ZGRF1: variants seen among roughly 807,000 people sequenced by gnomAD.
ZGRF1 encodes zinc finger GRF-type containing 1.
ZGRF1 carries 196 observed loss-of-function variants against 203.5 expected under a neutral mutation model. The ratio of observed to expected loss-of-function variants is 0.96; its 90% confidence interval spans 0.86 to 1.08. The LOEUF (loss-of-function observed/expected upper bound fraction) is 1.08. ZGRF1 is among the 50% of genes least tolerant of loss of function. The pLI is 0.00. For missense variants in ZGRF1, 2,326 were observed against 2,416.3 expected (o/e 0.96, Z 0.78); for synonymous variants, 809 against 841.3 (o/e 0.96, Z 0.66).
At chr4:112,593,700 TCTTTG>T (rs1444561428) in intron 10 of ZGRF1, among the ~76,000 whole-genome samples, 1 of 152,220 alleles carries the variant, frequency 6.6e-6, no homozygotes. Flanking sequence ...ACATGCTGTT[TCTTTG>T]CATGGTATGT....
chr4:112,540,823 T>G lies in ZGRF1; in HGVS notation c.5908A>C (p.Lys1970Gln). 6.3e-7 allele frequency: 1 copy of G among 1,590,508 alleles called. No individual in the cohort carries two copies. The highest frequency in any genetic ancestry group is 8.6e-7 in the Non-Finnish European group (1 of 1,166,784). ...VITLYKSQMY[K>Q]LCHLLSAVDF... The stretch of plus-strand genomic sequence containing the variant: ...ATACTGTAATACATAATACCAACCT[T>G]GTACATCTGGGATTTGTATAATGTT... The change falls in exon 26 of 28, where the codon AAG becomes CAG. Residue 1970 changes from lysine (K) to glutamine (Q), a missense_variant and splice_region_variant. Physicochemically the swap from Lys to Gln is moderately conservative, Grantham distance 53. Transcript: ENST00000505019.
At chr4:112,635,341 T>C (rs886453788) in intron 1 of ZGRF1, among the ~76,000 whole-genome samples, 2 of 152,034 alleles carry the variant, frequency 1.3e-5, no homozygotes, top group African/African-American at 2.4e-5. Context: ...ATCTGTTTAA[T>C]AGCTACCATT....
rs1560845679 is a variant in ZGRF1 at position 112,606,089 on chromosome 4, G to C, written c.2721C>G (p.Phe907Leu). The C allele has an allele frequency of 6.4e-7, 1 of 1,563,772 alleles. No homozygotes were observed. Among genetic ancestry groups the C allele is most frequent in the Non-Finnish European group, 8.7e-7 (1 of 1,144,564 alleles). Residue 907 changes from phenylalanine (F) to leucine (L), a missense_variant and splice_region_variant, in exon 9 of 28, where the codon TTC becomes TTG. Transcript: ENST00000505019. ...TCTCTTCTTTACTTCCCGAGGAAGA[G>C]AACTAGGATAAAATATGAATAAGTT... ...ELSEPLQSVQ[F>L]SSSGSKEETA...
intron 6 of ZGRF1, among the ~76,000 whole-genome samples, chr4:112,616,416 T>C (rs1230358186): frequency 6.7e-6 from 1 of 149,092 alleles, no homozygotes; most frequent in African/African-American, 2.5e-5. Context: ...TTCCAGCTAC[T>C]GGGGAGGCTG....
chr4:112,548,225 C>T, intron 23 of ZGRF1, 28 bp downstream of exon 23: 2 of 1,550,378 alleles, frequency 1.3e-6, no homozygotes, highest in Non-Finnish European at 1.7e-6. Context: ...ACAGGTATTA[C>T]CCCTGGGGAA....
At position 112,633,146 on chromosome 4, in the gene ZGRF1, TAA is replaced by T. The variant is rs760411213; in HGVS notation, c.21+8_21+9del. ...AATTTCACCAAACTGTGAAAAATGG[TAA>T]AACTTACAATAAATTCTTGGCTTTC... On this transcript the variant is annotated splice_region_variant and intron_variant, in intron 2 of 27. Transcript: ENST00000505019. 1 of 1,608,500 alleles carries T rather than the reference TAA, an allele frequency of 6.2e-7. No individual in the cohort carries two copies. Among genetic ancestry groups the T allele is most frequent in the East Asian group, 2.2e-5 (1 of 44,716 alleles).
At chr4:112,605,055 T>C (rs1019912721) in intron 9 of ZGRF1, among the ~76,000 whole-genome samples, 6 of 152,180 alleles carry the variant, frequency 3.9e-5, no homozygotes, top group Non-Finnish European at 8.8e-5. Flanking sequence ...AAAATAAACA[T>C]TGCAATAAAA....
intron 16 of ZGRF1, among the ~76,000 whole-genome samples, chr4:112,571,560 T>C (rs939484415): frequency 6.6e-6 from 1 of 152,180 alleles, no homozygotes; most frequent in Non-Finnish European, 1.5e-5. Context: ...TTAATTTTTT[T>C]TTTTTCTGAG....
Position 112,619,018 on chromosome 4 carries a change from T to G in ZGRF1, c.1024A>C (p.Thr342Pro), listed in dbSNP as rs138975728. 6.2e-7 allele frequency: 1 copy of G among 1,613,926 alleles called. No homozygotes were observed. Among genetic ancestry groups the G allele is most frequent in the South Asian group, 1.1e-5 (1 of 91,078 alleles). ...CTTTCTGTATCATTCCCATCTACAG[T>G]AGAAGAATGTATAGGTGAACTCTGT... is the stretch of plus-strand genomic sequence containing the variant. ...SSQSSPIHSSTVDGNDTERKP... is the reference protein window; with the variant it reads ...SSQSSPIHSSPVDGNDTERKP... The change falls in exon 6 of 28, where the codon ACT becomes CCT. Residue 342 changes from threonine to proline, a missense_variant. Thr to Pro is a conservative substitution (Grantham distance 38). Transcript: ENST00000505019.
At chr4:112,543,029 C>G (rs961198860) in intron 24 of ZGRF1, among the ~76,000 whole-genome samples, 2 of 152,100 alleles carry the variant, frequency 1.3e-5, no homozygotes, top group African/African-American at 4.8e-5. Flanking sequence ...TCCACACTTT[C>G]TATAATGAGT....
chr4:112,545,223 A>G (rs1738514076), intron 24 of ZGRF1, among the ~76,000 whole-genome samples: 2 of 152,000 alleles, frequency 1.3e-5, no homozygotes, highest in Non-Finnish European at 2.9e-5. Flanking sequence ...GGAAAAAAAA[A>G]TTGTAAATCA....
rs958617520 is a variant in ZGRF1 at position 112,622,334 on chromosome 4, C to T, written c.162+1483G>A. ...AGGAGTTCAAGACCAGCCTGGCCAA[C>T]ATGGTGAAACCCCATCTCTACTAAA... On this transcript the variant is annotated intron_variant, in intron 4 of 27. Transcript: ENST00000505019. Among the ~76,000 whole-genome samples, 4 of 151,646 alleles carry T rather than the reference C, an allele frequency of 2.6e-5. No individual in the cohort carries two copies. The East Asian group carries it at 7.9e-4, about 30-fold the overall frequency.
chr4:112,605,931 G>GTT (rs1164666135), intron 9 of ZGRF1, 77 bp downstream of exon 9: 2 of 942,858 alleles, frequency 2.1e-6, no homozygotes, highest in Non-Finnish European at 3.4e-6. Flanking sequence ...TCTGATACTT[G>GTT]TTTTTTTGTT....
chr4:112,576,808 T>C (rs1464695159), intron 16 of ZGRF1, among the ~76,000 whole-genome samples: 1 of 152,074 alleles, frequency 6.6e-6, no homozygotes, highest in Admixed American at 6.6e-5. Flanking sequence ...CTGATTGGTG[T>C]ACCTGAAAGT....
chr4:112,610,931 A>AT (rs765099386), intron 7 of ZGRF1: 46 of 306,420 alleles, frequency 1.5e-4, no homozygotes, highest in South Asian at 2.2e-4. Flanking sequence ...CAATCTAACC[A>AT]TTTTTTTTAA....
chr4:112,620,611 G>A (rs1051537235), intron 4 of ZGRF1, among the ~76,000 whole-genome samples: 86 of 152,116 alleles, frequency 5.7e-4, no homozygotes, highest in African/African-American at 2.0e-3. Flanking sequence ...TGTAATCCCA[G>A]CACTAAGGAC....
intron 3 of ZGRF1, among the ~76,000 whole-genome samples, chr4:112,630,169 AGTTT>A (rs1291107045): frequency 1.3e-5 from 2 of 152,236 alleles, no homozygotes; most frequent in African/African-American, 2.4e-5. Context: ...AGGCAAAATT[AGTTT>A]TTTAATTTGC....
intron 10 of ZGRF1, among the ~76,000 whole-genome samples, chr4:112,594,953 T>C (rs764773959): frequency 2.0e-5 from 3 of 152,116 alleles, no homozygotes; most frequent in Admixed American, 6.6e-5. Context: ...CAAAAATTAC[T>C]CCACAGGCCA....
intron 7 of ZGRF1, chr4:112,611,036 GA>G (rs750165141): frequency 1.8e-4 from 33 of 183,930 alleles, no homozygotes; most frequent in South Asian, 5.4e-4. Flanking sequence ...TTAGAAAAAA[GA>G]AAAAAAAATC....
Sources: allele counts gnomAD v4.1 joint callset (sites outside exome capture counted in the v4.1 genomes callset), GRCh38; gene constraint gnomAD v4.1.1; transcripts MANE v1.5; gene names NCBI Gene and HGNC (gene_info 2026-07-23, HGNC 2026-07-21).